The following FCRL5 variants were observed in gnomAD, a reference collection of about 807,000 sequenced individuals.
FCRL5 encodes the protein Fc receptor like 5, also known as Fc receptor-like protein 5.
In FCRL5, 79 loss-of-function variants were observed where a neutral mutation model predicts 92.1. The ratio of observed to expected loss-of-function variants is 0.86; its 90% confidence interval spans 0.72 to 1.03. The LOEUF (loss-of-function observed/expected upper bound fraction) is 1.03, where lower values mean the gene tolerates loss of function less well. Ranked by LOEUF, FCRL5 falls within the 50% of genes least tolerant of loss-of-function variation. The pLI, the probability that FCRL5 is intolerant of heterozygous loss-of-function variation, is 0.00. For missense variants in FCRL5, 1,160 were observed against 1,181.1 expected (o/e 0.98, Z 0.26); for synonymous variants, 466 against 469.3 (o/e 0.99, Z 0.09).
At chr1:157,532,503 T>C (rs1048725476) in intron 8 of FCRL5, 1 of 152,012 alleles carries the variant, frequency 6.6e-6, no homozygotes, top group East Asian at 1.9e-4. Flanking sequence ...AGAAAATGAT[T>C]GTTCCTTTAC....
At chr1:157,548,419 C>T (rs1222065170) in intron 2 of FCRL5, among the ~76,000 whole-genome samples, 1 of 151,892 alleles carries the variant, frequency 6.6e-6, no homozygotes, top group Non-Finnish European at 1.5e-5. Context: ...GCAACAAAAG[C>T]CAAAATTGAC....
Position 157,515,533 on chromosome 1 carries a change from G to C in FCRL5, c.*142C>G. 1.9e-6 allele frequency: 3 copies of C among 1,565,432 alleles called. No individual in the cohort carries two copies. The highest frequency in any genetic ancestry group is 2.6e-6 in the Non-Finnish European group (3 of 1,142,710). On this transcript the variant is annotated 3_prime_UTR_variant, in exon 17 of 17. Coordinates refer to ENST00000361835, the MANE Select transcript of FCRL5 (RefSeq NM_031281.3). ...CCAGCAGGGCCCTGCATTCTGGTCA[G>C]ACTGAGAATGAGGACATGTGAAACA...
At chr1:157,520,057 T>C (rs553115467) in intron 12 of FCRL5, among the ~76,000 whole-genome samples, 2 of 152,258 alleles carry the variant, frequency 1.3e-5, no homozygotes, top group East Asian at 1.9e-4. Context: ...ATAAAAATAG[T>C]GTACATTTAA....
intron 7 of FCRL5, among the ~76,000 whole-genome samples, chr1:157,538,848 G>A (rs1651104403): frequency 1.3e-5 from 2 of 152,328 alleles, no homozygotes; most frequent in Admixed American, 1.3e-4. Flanking sequence ...AGAATTTGAG[G>A]AGCAGGGAAA....
In FCRL5 at chr1:157,549,543, A is replaced by G. The variant is rs1244886516; in HGVS notation, c.52+17T>C. 1.2e-6 allele frequency: 2 copies of G among 1,611,318 alleles called. No homozygotes were observed. The highest frequency in any genetic ancestry group is 2.7e-5 in the African/African-American group (2 of 74,920). On this transcript the variant is annotated intron_variant, in intron 2 of 16. Transcript: ENST00000361835. Reference sequence around the variant, plus strand: ...CTTAACCAGAGACGCTGAAGAGCCAAAGACAGGAGAACTCACCAAACTGTC... The same window carrying G: ...CTTAACCAGAGACGCTGAAGAGCCAGAGACAGGAGAACTCACCAAACTGTC...
At chr1:157,551,754 G>A (rs1306716140) in intron 1 of FCRL5, among the ~76,000 whole-genome samples, 1 of 152,164 alleles carries the variant, frequency 6.6e-6, no homozygotes, top group Non-Finnish European at 1.5e-5. Flanking sequence ...AGAGACTTAC[G>A]TACACCCACA....
rs763831471 is a variant in FCRL5 at position 157,527,742 on chromosome 1, G to A, written c.1835C>T (p.Ala612Val). 11 of 1,614,068 alleles carry A rather than the reference G, an allele frequency of 6.8e-6. No homozygotes were observed. The highest frequency in any genetic ancestry group is 1.3e-5 in the African/African-American group (1 of 74,938). Residue 612 changes from alanine (A) to valine (V), a missense_variant, in exon 9 of 17, where the codon GCC becomes GTC. Coordinates refer to ENST00000361835, the MANE Select transcript of FCRL5 (RefSeq NM_031281.3). ...HEDVTLGSSS[A>V]PSGGEASFNL... ...GAAAGAAGCTTCTCCTCCAGAGGGGGCTGAGCTGCTCCCCAGGGTGACATC... is the reference window on the plus strand; with the variant it reads ...GAAAGAAGCTTCTCCTCCAGAGGGGACTGAGCTGCTCCCCAGGGTGACATC...
chr1:157,519,701 G>A (rs1294060730), intron 13 of FCRL5, 42 bp downstream of exon 13: 1 of 1,603,540 alleles, frequency 6.2e-7, no homozygotes, highest in South Asian at 1.1e-5. Flanking sequence ...TCCACCCTGT[G>A]GACATTTCAC....
Position 157,514,991 on chromosome 1 carries a change from T to A in FCRL5, c.*684A>T, listed in dbSNP as rs1226431352. 1 of 154,300 alleles carries A rather than the reference T, an allele frequency of 6.5e-6. No individual in the cohort carries two copies. The highest frequency in any genetic ancestry group is 1.4e-5 in the Non-Finnish European group (1 of 69,470). 9.6% of individuals were successfully genotyped at this position (154,300 alleles called of 1,614,324 possible). On this transcript the variant is annotated 3_prime_UTR_variant, in exon 17 of 17. Transcript: ENST00000361835. ...TGGCCTTGACTTGCTGGGTTACTTC[T>A]GTTAGGATGGGAAGAACTTGGGACT...
At position 157,547,031 on chromosome 1, in the gene FCRL5, A is replaced by G; in HGVS notation, c.219T>C (p.Asn73=). 1 of 1,614,080 alleles carries G rather than the reference A, an allele frequency of 6.2e-7. No individual in the cohort carries two copies. Among genetic ancestry groups the G allele is most frequent in the South Asian group, 1.1e-5 (1 of 91,074 alleles). Residue 73 remains asparagine (N), a synonymous_variant, in exon 3 of 17, where the codon AAT becomes AAC. Coordinates refer to ENST00000361835, the MANE Select transcript of FCRL5 (RefSeq NM_031281.3). The part of the protein sequence containing the change: ...GKEILRETPD[N]ILEVQESGEY... ...CTCCAGATTCCTGAACCTCAAGGAT[A>G]TTGTCTGGGGTTTCTCTTAGTATTT...
chr1:157,538,194 G>A (rs914724), intron 7 of FCRL5, among the ~76,000 whole-genome samples: 109,738 of 151,804 alleles, frequency 0.72, 42,742 homozygotes, highest in South Asian at 0.86. Context: ...ATCATTTGAT[G>A]ACTCCCCCTG....
At chr1:157,515,988 T>C (rs1194324438) in intron 15 of FCRL5, 115 bp from the exon 16 acceptor site, 1 of 1,118,678 alleles carries the variant, frequency 8.9e-7, no homozygotes, top group Non-Finnish European at 1.3e-6. Context: ...CTCTGTGCGG[T>C]GAGTAGCCAT....
intron 2 of FCRL5, among the ~76,000 whole-genome samples, chr1:157,549,328 T>A (rs1045615038): frequency 6.6e-6 from 1 of 150,950 alleles, no homozygotes; most frequent in Non-Finnish European, 1.5e-5. Context: ...GAGATATACC[T>A]AATGTTAAAT....
At chr1:157,549,660 T>C in intron 1 of FCRL5, 80 bp from the exon 2 acceptor site, 1 of 1,309,204 alleles carries the variant, frequency 7.6e-7, no homozygotes, top group Non-Finnish European at 1.1e-6. Flanking sequence ...TTTTTACCCA[T>C]GCATGTATTA....
chr1:157,518,293 C>T, intron 15 of FCRL5, 136 bp downstream of exon 15: 2 of 701,874 alleles, frequency 2.8e-6, no homozygotes, highest in Non-Finnish European at 2.5e-6. Context: ...AGCATAGGCA[C>T]ACATAAAGAA....
rs1479802079 is a variant in FCRL5, at chr1:157,552,378, C to G, written c.-16G>C. The G allele has an allele frequency of 3.1e-6, 5 of 1,613,966 alleles. No homozygotes were observed. Among genetic ancestry groups the G allele is most frequent in the Middle Eastern group, 1.7e-4 (1 of 6,060 alleles). Reference sequence around the variant, plus strand: ...ACAGCAGCATGAAGACCTGGACCACCAAGGGCTGAGATCAAAAGAGAAGTT... The same window carrying G: ...ACAGCAGCATGAAGACCTGGACCACGAAGGGCTGAGATCAAAAGAGAAGTT... On this transcript the variant is annotated 5_prime_UTR_variant, in exon 1 of 17. Transcript: ENST00000361835.
rs1367957197 is a variant in FCRL5 at position 157,543,148 on chromosome 1, GA to G, written c.845-12del. 6.2e-6 allele frequency: 10 copies of G among 1,607,662 alleles called. No homozygotes were observed. Among genetic ancestry groups the G allele is most frequent in the Non-Finnish European group, 8.5e-6 (10 of 1,177,068 alleles). ...GATGAGATGCAGGGACTGAGCAAGA[GA>G]AAAAATTAGTCAAGAATTGCTTTTG... On this transcript the variant is annotated splice_polypyrimidine_tract_variant and intron_variant, in intron 5 of 16. Transcript: ENST00000361835.
intron 9 of FCRL5, among the ~76,000 whole-genome samples, chr1:157,527,016 A>G (rs930118951): frequency 6.6e-5 from 10 of 152,204 alleles, no homozygotes; most frequent in African/African-American, 2.4e-4. Context: ...CTGAAAGTAC[A>G]GTGCCAAAGC....
chr1:157,526,731 G>T lies in FCRL5; in HGVS notation c.1960+886C>A, dbSNP rs188527072. Among the ~76,000 whole-genome samples the T allele has an allele frequency of 1.8e-4, 27 of 152,234 alleles. No individual in the cohort carries two copies. The East Asian group carries it at 4.6e-3, about 26-fold the overall frequency. ...GGTGGTGGGAGTGGAGGGGGTTATTGTCTAGTGGAGTAGGGAATTAGTGGA... is the reference window on the plus strand; with the variant it reads ...GGTGGTGGGAGTGGAGGGGGTTATTTTCTAGTGGAGTAGGGAATTAGTGGA... On this transcript the variant is annotated intron_variant, in intron 9 of 16. Coordinates refer to ENST00000361835, the MANE Select transcript of FCRL5 (RefSeq NM_031281.3).
Sources: gnomAD v4.1 joint callset for allele counts (sites outside exome capture counted in the v4.1 genomes callset) on GRCh38, gnomAD v4.1.1 for gene constraint, MANE v1.5 for transcripts, NCBI Gene and HGNC (gene_info 2026-07-23, HGNC 2026-07-21) for gene names.